BRD8: variants seen among roughly 807,000 people sequenced by gnomAD.
The protein encoded by BRD8 is bromodomain-containing protein 8.
A neutral mutation model predicts 143.1 loss-of-function variants in BRD8; 67 were observed. The ratio of observed to expected loss-of-function variants is 0.47; its 90% confidence interval spans 0.38 to 0.57. The LOEUF is 0.57. Ranked by LOEUF, BRD8 falls within the 20% of genes least tolerant of loss-of-function variation. The pLI, the probability that BRD8 is intolerant of heterozygous loss-of-function variation, is 0.00. For missense variants in BRD8, 1,103 were observed against 1,503.0 expected, an observed-to-expected ratio of 0.73 and a Z score of 4.40; for synonymous variants, 505 against 517.1, an observed-to-expected ratio of 0.98 and a Z score of 0.32.
At chr5:138,145,085 T>A (rs1752094723) in intron 25 of BRD8, 92 bp downstream of exon 25, 7 of 1,307,998 alleles carry the variant, frequency 5.4e-6, no homozygotes, top group Non-Finnish European at 7.5e-6. Context: ...CTTGAGTTTG[T>A]AAGTTATAAA....
In BRD8 at chr5:138,140,029, G is replaced by A. The variant is rs752612216; in HGVS notation, c.*45C>T. 4.2e-5 allele frequency: 62 copies of A among 1,463,964 alleles called. 1 individual carries two copies. The highest frequency in any genetic ancestry group is 1.1e-4 in the South Asian group (10 of 87,710). The allele number at this position is 1,463,964 out of a possible 1,614,324, so 90.7% of individuals were successfully genotyped here. On this transcript the variant is annotated 3_prime_UTR_variant, in exon 27 of 27. Transcript: ENST00000254900. ...AGGATCCTCTCTAGGTCAGAGTTCC[G>A]GGAGAGATTCAAACTCTAGAAAAAG...
At position 138,149,640 on chromosome 5, in the gene BRD8, A is replaced by G; in HGVS notation, c.3278T>C (p.Leu1093Pro). Reference sequence around the variant, plus strand: ...AACTTGGATGAAAGTCTACGCTTACAGCTTTGAGGAGGTAGCATGGCTGAA... The same window carrying G: ...AACTTGGATGAAAGTCTACGCTTACGGCTTTGAGGAGGTAGCATGGCTGAA... ...TLFSHATSSK[L>P]TDLSQDDPVQ... Residue 1093 changes from leucine to proline, a missense_variant and splice_region_variant, in exon 23 of 27, where the codon CTG becomes CCG. By Grantham distance (98) the Leu-to-Pro change is moderately conservative (BLOSUM62 -3). Coordinates refer to ENST00000254900, the MANE Select transcript of BRD8 (RefSeq NM_139199.2). 6.3e-7 allele frequency: 1 copy of G among 1,592,256 alleles called. No individual in the cohort carries two copies. Among genetic ancestry groups the G allele is most frequent in the Non-Finnish European group, 8.5e-7 (1 of 1,171,646 alleles).
At chr5:138,148,897 T>C (rs968686103) in intron 23 of BRD8, among the ~76,000 whole-genome samples, 58 of 151,718 alleles carry the variant, frequency 3.8e-4, no homozygotes, top group African/African-American at 1.4e-3. Context: ...AGGCCAGCCC[T>C]GTCTACAAAA....
chr5:138,154,947 A>G (rs1293649805), intron 20 of BRD8, among the ~76,000 whole-genome samples: 1 of 150,162 alleles, frequency 6.7e-6, no homozygotes, highest in Non-Finnish European at 1.5e-5. Flanking sequence ...CTCCTGCCTC[A>G]GCCTCCCGCG....
At chr5:138,171,251 C>T (rs1334191961) in intron 4 of BRD8, 91 bp from the exon 5 acceptor site, 1 of 1,422,860 alleles carries the variant, frequency 7.0e-7, no homozygotes, top group African/African-American at 1.4e-5. Flanking sequence ...TCATAGATAA[C>T]TTCTGCTATT....
rs1752424599 is a variant in BRD8 at position 138,152,825 on chromosome 5, C to G, written c.2578-65G>C. 6 of 1,521,912 alleles carry G rather than the reference C, an allele frequency of 3.9e-6. No homozygotes were observed. The African/African-American group carries it at 6.9e-5, about 18-fold the overall frequency. The allele number at this position is 1,521,912 out of a possible 1,614,324, so 94.3% of individuals were successfully genotyped here. A position where few individuals can be genotyped will look rare whatever the true frequency, so the allele number is the denominator to read the frequency against. ...ATAAATATTCCTGAGGCATCTCCAT[C>G]TCCCGAGTTCAGTAGAAAAATAAGG... On this transcript the variant is annotated intron_variant, in intron 20 of 26. Coordinates refer to ENST00000254900, the MANE Select transcript of BRD8 (RefSeq NM_139199.2).
intron 20 of BRD8, among the ~76,000 whole-genome samples, chr5:138,154,440 C>G (rs1027953080): frequency 6.6e-6 from 1 of 152,174 alleles, no homozygotes; most frequent in Non-Finnish European, 1.5e-5. Flanking sequence ...GGACCTTTTC[C>G]ACACACTTCT....
chr5:138,147,590 C>T (rs1396996378), intron 23 of BRD8, among the ~76,000 whole-genome samples: 2 of 152,154 alleles, frequency 1.3e-5, no homozygotes, highest in Non-Finnish European at 2.9e-5. Context: ...AGGAGAATCA[C>T]TTGAGGCCAG....
chr5:138,150,593 G>T, intron 22 of BRD8, 152 bp downstream of exon 22: 1 of 855,376 alleles, frequency 1.2e-6, no homozygotes, highest in Non-Finnish European at 1.8e-6. Context: ...TCACTAACAT[G>T]CTAAAGGTAA....
At chr5:138,158,679 G>A (rs889952098) in intron 20 of BRD8, among the ~76,000 whole-genome samples, 10 of 151,564 alleles carry the variant, frequency 6.6e-5, no homozygotes, top group Non-Finnish European at 1.3e-4. Context: ...CCGACCTCAG[G>A]TGATCTGCCC....
At chr5:138,170,585 T>A in intron 6 of BRD8, 176 bp from the exon 7 acceptor site, 6 of 816,320 alleles carry the variant, frequency 7.4e-6, no homozygotes, top group Non-Finnish European at 2.2e-6. Flanking sequence ...TCCCAGTTCT[T>A]CACCCAGGCA....
rs1222621756 is a variant in BRD8, at chr5:138,148,177, G to GA, written c.3278+1462dup. Among the ~76,000 whole-genome samples, 422 of 105,792 alleles carry GA rather than the reference G, an allele frequency of 4.0e-3. 3 individuals carry two copies. The highest frequency in any genetic ancestry group is 0.021 in the Middle Eastern group (4 of 190). The allele number at this position is 105,792 out of a possible 152,430, so 69.4% of individuals were successfully genotyped here. ...TGAGCTGGAAAAAAAAAAAAAAAAA[G>GA]AAAAAAAAAAGGGAAAAAAAAAGGG... On this transcript the variant is annotated intron_variant, in intron 23 of 26. Coordinates refer to ENST00000254900, the MANE Select transcript of BRD8 (RefSeq NM_139199.2).
chr5:138,158,957 C>A (rs911109915), intron 20 of BRD8, among the ~76,000 whole-genome samples: 1 of 150,878 alleles, frequency 6.6e-6, no homozygotes, highest in Non-Finnish European at 1.5e-5. Flanking sequence ...GTTGTTGTTG[C>A]CGTTTTTAAA....
intron 20 of BRD8, among the ~76,000 whole-genome samples, chr5:138,156,086 G>T (rs1256973224): frequency 6.7e-6 from 1 of 150,024 alleles, no homozygotes; most frequent in Non-Finnish European, 1.5e-5. Flanking sequence ...GTCCAGGCTG[G>T]TCTCAAACTC....
At chr5:138,167,772 T>C (rs1249138880) in intron 9 of BRD8, 162 bp downstream of exon 9, 2 of 631,828 alleles carry the variant, frequency 3.2e-6, no homozygotes, top group East Asian at 2.8e-5. Context: ...CTTTATAATA[T>C]GGAGACTACA....
intron 20 of BRD8, among the ~76,000 whole-genome samples, chr5:138,153,501 T>C (rs992598968): frequency 6.6e-6 from 1 of 152,114 alleles, no homozygotes; most frequent in Non-Finnish European, 1.5e-5. Flanking sequence ...TCTCTACCTT[T>C]ACTTCTTATA....
chr5:138,158,525 G>A (rs193041482), intron 20 of BRD8, among the ~76,000 whole-genome samples: 22 of 151,638 alleles, frequency 1.5e-4, no homozygotes, highest in South Asian at 8.3e-4. Flanking sequence ...GGCAACCTCC[G>A]CCTCCTGGGT....
rs1337232666 is a variant in BRD8, at chr5:138,164,710, G to C, written c.1731+4C>G. The C allele has an allele frequency of 6.2e-7, 1 of 1,613,884 alleles. No individual in the cohort carries two copies. The highest frequency in any genetic ancestry group is 2.2e-5 in the East Asian group (1 of 44,890). ...TCTCCCCAGCCCCGATCTTTCTTAA[G>C]TACCTCTGTCTTCACATTTGTAAGT... is the stretch of plus-strand genomic sequence containing the variant. On this transcript the variant is annotated splice_donor_region_variant and intron_variant, in intron 12 of 26. Transcript: ENST00000254900.
intron 2 of BRD8, among the ~76,000 whole-genome samples, chr5:138,173,337 G>C (rs1754042204): frequency 1.3e-5 from 2 of 151,634 alleles, no homozygotes; most frequent in South Asian, 4.2e-4. Context: ...GGTGGAGGTT[G>C]CAGTGAGCCG....
Sources: allele counts gnomAD v4.1 joint callset (sites outside exome capture counted in the v4.1 genomes callset), GRCh38; gene constraint gnomAD v4.1.1; transcripts MANE v1.5; gene names NCBI Gene and HGNC (gene_info 2026-07-23, HGNC 2026-07-21).